PLCG2: variants seen among roughly 807,000 people sequenced by gnomAD.
PLCG2 encodes phospholipase C gamma 2.
A neutral mutation model predicts 175.6 loss-of-function variants in PLCG2; 69 were observed. The ratio of observed to expected loss-of-function variants is 0.39; its 90% confidence interval spans 0.32 to 0.48. The LOEUF (loss-of-function observed/expected upper bound fraction) is 0.48. PLCG2 is among the 20% of genes least tolerant of loss of function. PLCG2 has a pLI of 0.91. For missense variants in PLCG2, 1,798 were observed against 1,650.9 expected (o/e 1.09, Z -1.54); for synonymous variants, 827 against 624.0 (o/e 1.33, Z -4.85).
intron 19 of PLCG2, among the ~76,000 whole-genome samples, chr16:81,915,581 C>G (rs1909806023): frequency 6.6e-6 from 1 of 152,192 alleles, no homozygotes; most frequent in Admixed American, 6.5e-5. Context: ...TTATGTTTTC[C>G]AAACCATTCA....
chr16:81,883,659 C>G, intron 9 of PLCG2: 1 of 381,200 alleles, frequency 2.6e-6, no homozygotes, highest in Non-Finnish European at 4.9e-6. Flanking sequence ...CTGCCCTCAC[C>G]TGGCTGGGTG....
chr16:81,836,465 G>T (rs1254449293), intron 2 of PLCG2, among the ~76,000 whole-genome samples: 1 of 152,200 alleles, frequency 6.6e-6, no homozygotes, highest in Non-Finnish European at 1.5e-5. Context: ...TTTGGGCCGG[G>T]CAAGGTGACT....
chr16:81,766,048 T>C (rs1910142765), intron 2 of PLCG2, among the ~76,000 whole-genome samples: 1 of 152,234 alleles, frequency 6.6e-6, no homozygotes, highest in African/African-American at 2.4e-5. Flanking sequence ...AAATGAGGCT[T>C]AGCCTTCCCA....
chr16:81,837,312 A>G (rs764353887), intron 2 of PLCG2, among the ~76,000 whole-genome samples: 1 of 152,146 alleles, frequency 6.6e-6, no homozygotes, highest in Non-Finnish European at 1.5e-5. Flanking sequence ...CATTCCTAGG[A>G]ATTGTGGTCC....
chr16:81,753,265 G>T (rs1258770602), intron 1 of PLCG2, among the ~76,000 whole-genome samples: 1 of 150,318 alleles, frequency 6.7e-6, no homozygotes, highest in Non-Finnish European at 1.5e-5. Context: ...CAGCCCCATT[G>T]AGCCAATTTG....
chr16:81,832,442 C>T (rs571587159), intron 2 of PLCG2, among the ~76,000 whole-genome samples: 36 of 152,316 alleles, frequency 2.4e-4, no homozygotes, highest in Middle Eastern at 6.8e-3. Context: ...CAGGTGGGAG[C>T]GCAGTGGCAT....
At chr16:81,858,029 C>A (rs1259870912) in intron 3 of PLCG2, 2 of 493,476 alleles carry the variant, frequency 4.1e-6, no homozygotes, top group African/African-American at 1.9e-5. Flanking sequence ...CAGGAAATAA[C>A]CCACTTGTCA....
At chr16:81,776,083 C>CTTTCTTTCTTTCTGTCTT, upstream of PLCG2, among the ~76,000 whole-genome samples, 2 of 81,950 alleles carry the variant, frequency 2.4e-5, no homozygotes, top group Admixed American at 1.2e-4. Flanking sequence ...TTCTCTCTCT[C>CTTTCTTTCTTTCTGTCTT]TCTCTCTTTC....
chr16:81,874,214 C>T (rs919175479), intron 7 of PLCG2, among the ~76,000 whole-genome samples: 4 of 152,122 alleles, frequency 2.6e-5, no homozygotes, highest in Non-Finnish European at 1.5e-5. Flanking sequence ...GGAAAAAAAT[C>T]GAGATCTGGC....
At chr16:81,778,295 C>T (rs367586328), upstream of PLCG2, among the ~76,000 whole-genome samples, 22 of 151,856 alleles carry the variant, frequency 1.4e-4, no homozygotes, top group Middle Eastern at 3.4e-3. Flanking sequence ...GCTTGAGTCC[C>T]GGAGTTCGAG....
chr16:81,846,976 A>C (rs12933380), intron 2 of PLCG2, among the ~76,000 whole-genome samples: 195 of 152,046 alleles, frequency 1.3e-3, no homozygotes, highest in African/African-American at 4.6e-3. Context: ...TTCTGATACT[A>C]TCTACTTGGA....
intron 5 of PLCG2, among the ~76,000 whole-genome samples, chr16:81,867,728 T>C (rs3934985): frequency 0.55 from 82,432 of 150,682 alleles, 23,184 homozygotes; most frequent in Middle Eastern, 0.62. Flanking sequence ...GATGGAGTCT[T>C]GCTCTGTCAC....
chr16:81,874,953 T>TTTGTTTTTTTTTTC lies in PLCG2; in HGVS notation c.648+4020_648+4021insGTTTTTTTTTTCTT, dbSNP rs779252843. On this transcript the variant is annotated intron_variant, in intron 7 of 32. Coordinates refer to ENST00000564138, the MANE Select transcript of PLCG2 (RefSeq NM_002661.5). Reference sequence around the variant, plus strand: ...TGCTAGGCACTATCCTATGTGTTTTTTTTTTTTTTTTTTTTTTTTTTTTTA... The same window carrying TTTGTTTTTTTTTTC: ...TGCTAGGCACTATCCTATGTGTTTTTTTGTTTTTTTTTTCTTTTTTTTTTTTTTTTTTTTTTTTA... Among the ~76,000 whole-genome samples, 17 of 122,944 alleles carry TTTGTTTTTTTTTTC rather than the reference T, an allele frequency of 1.4e-4. 3 individuals carry two copies. Among genetic ancestry groups the TTTGTTTTTTTTTTC allele is most frequent in the South Asian group, 5.2e-4 (2 of 3,838 alleles). The allele number at this position is 122,944 out of a possible 152,430, so 80.7% of individuals were successfully genotyped here. A position where few individuals can be genotyped will look rare whatever the true frequency, so the allele number is the denominator to read the frequency against.
chr16:81,891,406 A>G (rs990402128), intron 10 of PLCG2, 66 bp from the exon 11 acceptor site: 3 of 934,504 alleles, frequency 3.2e-6, no homozygotes, highest in Middle Eastern at 2.1e-4. Context: ...GGCGCAGACC[A>G]GAAACAAGCA....
At chr16:81,752,163 C>G (rs1433824562) in intron 1 of PLCG2, among the ~76,000 whole-genome samples, 1 of 152,166 alleles carries the variant, frequency 6.6e-6, no homozygotes, top group South Asian at 2.1e-4. Flanking sequence ...GGGTGCTGAG[C>G]TGGGAGCTCC....
chr16:81,874,948 G>GTTTTTTTTTTTTTT (rs770994063), intron 7 of PLCG2, among the ~76,000 whole-genome samples: 90 of 40,706 alleles, frequency 2.2e-3, no homozygotes, highest in Non-Finnish European at 3.2e-3. Context: ...TATCCTATGT[G>GTTTTTTTTTTTTTT]TTTTTTTTTT....
chr16:81,818,543 G>A (rs1381564986), intron 2 of PLCG2, among the ~76,000 whole-genome samples: 4 of 152,096 alleles, frequency 2.6e-5, no homozygotes, highest in African/African-American at 9.7e-5. Flanking sequence ...CGGAAATGGA[G>A]CTCCGAAGGC....
chr16:81,756,400 G>T (rs1194926191), intron 2 of PLCG2, among the ~76,000 whole-genome samples: 1 of 152,198 alleles, frequency 6.6e-6, no homozygotes, highest in Admixed American at 6.5e-5. Flanking sequence ...AGAACAAACT[G>T]CTATCTTATA....
intron 8 of PLCG2, among the ~76,000 whole-genome samples, chr16:81,881,240 T>C (rs549368078): frequency 7.2e-6 from 1 of 138,662 alleles, no homozygotes; most frequent in Admixed American, 7.0e-5. Context: ...ATGTGACAGG[T>C]TAATAGTTTT....
Sources: gnomAD v4.1 joint callset for allele counts (sites outside exome capture counted in the v4.1 genomes callset) on GRCh38, gnomAD v4.1.1 for gene constraint, MANE v1.5 for transcripts, NCBI Gene and HGNC (gene_info 2026-07-23, HGNC 2026-07-21) for gene names.